PBX4: variants seen among roughly 807,000 people sequenced by gnomAD.
PBX4 encodes pre-B-cell leukemia transcription factor 4.
In PBX4, 26 loss-of-function variants were observed where a neutral mutation model predicts 35.1. That is an observed-to-expected ratio of 0.74 (90% CI 0.54 to 1.03). PBX4 has a LOEUF of 1.03. Ranked by LOEUF, PBX4 falls within the 50% of genes least tolerant of loss-of-function variation. The pLI is 0.00. For missense variants in PBX4, 448 were observed against 504.3 expected (o/e 0.89, Z 1.07); for synonymous variants, 199 against 204.2 (o/e 0.97, Z 0.22).
Position 19,599,338 on chromosome 19 carries a change from C to T in PBX4, c.147G>A (p.Met49Ile). The change falls in exon 2 of 8, where the codon ATG becomes ATA. Residue 49 changes from methionine to isoleucine, a missense_variant. Physicochemically the swap from Met to Ile is conservative, Grantham distance 10. Transcript: ENST00000251203. ...ARKHALNCHR[M>I]KPALFSVLCE... ...AGAGCACGCTGAACAGAGCAGGCTT[C>T]ATCCGATGGCAATTCAGAGCATGCT... 1 of 1,613,464 alleles carries T rather than the reference C, an allele frequency of 6.2e-7. No individual in the cohort carries two copies. Among genetic ancestry groups the T allele is most frequent in the African/African-American group, 1.3e-5 (1 of 75,004 alleles).
intron 2 of PBX4, among the ~76,000 whole-genome samples, chr19:19,571,145 C>T (rs1228846894): frequency 6.6e-6 from 1 of 152,182 alleles, no homozygotes; most frequent in Non-Finnish European, 1.5e-5. Context: ...GCGCCTGTTG[C>T]TGGGGTCACC....
intron 1 of PBX4, among the ~76,000 whole-genome samples, chr19:19,616,150 T>G (rs1181682490): frequency 6.6e-6 from 1 of 152,070 alleles, no homozygotes; most frequent in Non-Finnish European, 1.5e-5. Context: ...TAATAATCAC[T>G]GCAGGACCCA....
intron 2 of PBX4, chr19:19,588,212 G>A: frequency 3.7e-6 from 5 of 1,356,658 alleles, no homozygotes; most frequent in Non-Finnish European, 4.2e-6. Context: ...ACAATAATAG[G>A]CATCAGAGAC....
chr19:19,613,937 A>C (rs1443010638), intron 1 of PBX4, among the ~76,000 whole-genome samples: 1 of 152,090 alleles, frequency 6.6e-6, no homozygotes, highest in East Asian at 1.9e-4. Context: ...TATAACAATT[A>C]TTTACAAGTT....
chr19:19,597,557 A>G (rs556302106), intron 2 of PBX4, among the ~76,000 whole-genome samples: 47 of 152,334 alleles, frequency 3.1e-4, no homozygotes, highest in African/African-American at 1.1e-3. Context: ...TGTCAAGTAC[A>G]CATCAATCTT....
intron 2 of PBX4, chr19:19,588,249 G>T (rs1185045130): frequency 2.3e-6 from 3 of 1,321,312 alleles, no homozygotes; most frequent in Non-Finnish European, 3.3e-6. Context: ...ATCACACAGA[G>T]CCCCGGTAAG....
intron 2 of PBX4, among the ~76,000 whole-genome samples, chr19:19,594,376 A>C (rs2061548311): frequency 6.6e-6 from 1 of 151,906 alleles, no homozygotes; most frequent in Non-Finnish European, 1.5e-5. Flanking sequence ...AGCCTAGGCA[A>C]CAAGAGTGAA....
chr19:19,568,906 G>A lies in PBX4; in HGVS notation c.768+543C>T, dbSNP rs529116641. 3.8e-4 allele frequency among the ~76,000 whole-genome samples: 58 copies of A among 152,296 alleles called. 1 individual carries two copies. The South Asian group carries it at 9.8e-3, about 26-fold the overall frequency. Reference sequence around the variant, plus strand: ...TGGGACCTCGCATTCCATCTGCATCGCTCAGGAAGTCCTCAGGTCTCTCTG... The same window carrying A: ...TGGGACCTCGCATTCCATCTGCATCACTCAGGAAGTCCTCAGGTCTCTCTG... On this transcript the variant is annotated intron_variant, in intron 5 of 7. Coordinates refer to ENST00000251203, the MANE Select transcript of PBX4 (RefSeq NM_025245.3).
chr19:19,573,050 A>C (rs2061395512), intron 2 of PBX4, among the ~76,000 whole-genome samples: 1 of 151,778 alleles, frequency 6.6e-6, no homozygotes, highest in African/African-American at 2.4e-5. Flanking sequence ...TCACGCCTGT[A>C]ATCCCAGCAC....
chr19:19,572,690 C>T (rs990918164), intron 2 of PBX4, among the ~76,000 whole-genome samples: 26 of 150,512 alleles, frequency 1.7e-4, no homozygotes, highest in Admixed American at 1.3e-3. Flanking sequence ...CGTGGAGAAA[C>T]GCCATCTCTA....
At chr19:19,596,334 C>G (rs941710614) in intron 2 of PBX4, among the ~76,000 whole-genome samples, 5 of 151,468 alleles carry the variant, frequency 3.3e-5, no homozygotes, top group African/African-American at 1.2e-4. Flanking sequence ...GATTGCACCA[C>G]TGCACTCCAG....
intron 2 of PBX4, among the ~76,000 whole-genome samples, chr19:19,575,672 C>G (rs764123740): frequency 4.6e-5 from 7 of 152,178 alleles, no homozygotes; most frequent in Non-Finnish European, 1.0e-4. Context: ...GCAGGCCAAC[C>G]CTTTTCAAAC....
intron 1 of PBX4, chr19:19,608,349 CAAA>C (rs113078814): frequency 1.0e-4 from 12 of 115,420 alleles, no homozygotes; most frequent in Non-Finnish European, 1.1e-4. Context: ...GACCCTGTCT[CAAA>C]AAAAAAAAAA....
intron 1 of PBX4, among the ~76,000 whole-genome samples, chr19:19,601,348 G>T (rs2061596150): frequency 6.6e-6 from 1 of 152,182 alleles, no homozygotes. Context: ...AGTGTTAGGG[G>T]TGAGGGAGAG....
intron 1 of PBX4, among the ~76,000 whole-genome samples, chr19:19,616,940 C>T (rs1599387579): frequency 1.3e-5 from 2 of 152,306 alleles, no homozygotes; most frequent in East Asian, 3.9e-4. Flanking sequence ...CCTTGGCCTC[C>T]CAAAGTGCTG....
intron 2 of PBX4, among the ~76,000 whole-genome samples, chr19:19,583,001 C>T (rs888996267): frequency 3.9e-5 from 6 of 152,226 alleles, no homozygotes; most frequent in East Asian, 1.9e-4. Context: ...CTCAGGCCTG[C>T]GTCATGAACT....
At chr19:19,611,664 G>T (rs1308601756) in intron 1 of PBX4, among the ~76,000 whole-genome samples, 1 of 147,270 alleles carries the variant, frequency 6.8e-6, no homozygotes, top group Admixed American at 6.9e-5. Flanking sequence ...GGGTGACAGG[G>T]TGAGATTCTG....
intron 2 of PBX4, among the ~76,000 whole-genome samples, chr19:19,574,883 C>T (rs969846733): frequency 6.6e-6 from 1 of 151,970 alleles, no homozygotes; most frequent in Non-Finnish European, 1.5e-5. Context: ...CGGGGTTTCA[C>T]CATGTTGAAC....
rs373851279 is a variant in PBX4, at chr19:19,597,539, A to G, written c.193+1753T>C. ...TCAGACCCTCTTGCTGTTCTCAACTACTATATATGTCAAGTACACATCAAT... is the reference window on the plus strand; with the variant it reads ...TCAGACCCTCTTGCTGTTCTCAACTGCTATATATGTCAAGTACACATCAAT... On this transcript the variant is annotated intron_variant, in intron 2 of 7. Coordinates refer to ENST00000251203, the MANE Select transcript of PBX4 (RefSeq NM_025245.3). Among the ~76,000 whole-genome samples the G allele has an allele frequency of 2.6e-5, 4 of 152,226 alleles. No homozygotes were observed. The East Asian group carries it at 7.7e-4, about 29-fold the overall frequency.
Sources: allele counts gnomAD v4.1 joint callset (sites outside exome capture counted in the v4.1 genomes callset), GRCh38; gene constraint gnomAD v4.1.1; transcripts MANE v1.5; gene names NCBI Gene and HGNC (gene_info 2026-07-23, HGNC 2026-07-21).